KRT80: variants seen among roughly 807,000 people sequenced by gnomAD.
KRT80 encodes keratin, type II cytoskeletal 80.
KRT80 carries 36 observed loss-of-function variants against 51.5 expected under a neutral mutation model. The ratio of observed to expected loss-of-function variants is 0.70; its 90% CI spans 0.54 to 0.92. KRT80 has a LOEUF of 0.92. Among genes scored for constraint, KRT80 ranks in the 40% least tolerant of loss-of-function variants. The pLI, the probability that KRT80 is intolerant of heterozygous loss-of-function variation, is 0.00. For missense variants in KRT80, 566 were observed against 591.7 expected (o/e 0.96, Z 0.45); for synonymous variants, 235 against 248.3 (o/e 0.95, Z 0.50).
In KRT80 at chr12:52,186,135, C is replaced by T. The variant is rs148410477; in HGVS notation, c.301-548G>A. 1.1e-4 allele frequency among the ~76,000 whole-genome samples: 17 copies of T among 152,152 alleles called. No homozygotes were observed. In the East Asian group the frequency reaches 3.3e-3, roughly 29 times the overall value. ...ACCTGCCTGCGCGGTCCTCTCCTTCCCTCCACCCTGTCCAGCCGAGCTCAG... is the reference window on the plus strand; with the variant it reads ...ACCTGCCTGCGCGGTCCTCTCCTTCTCTCCACCCTGTCCAGCCGAGCTCAG... On this transcript the variant is annotated intron_variant, in intron 1 of 8. Coordinates refer to ENST00000394815, the MANE Select transcript of KRT80 (RefSeq NM_182507.3).
In KRT80 at chr12:52,181,043, G is replaced by A. The variant is rs989244162; in HGVS notation, c.510-80C>T. On this transcript the variant is annotated intron_variant, in intron 2 of 8. Coordinates refer to ENST00000394815, the MANE Select transcript of KRT80 (RefSeq NM_182507.3). ...GAACTCCCCTTGGTTGGGGCTCAGG[G>A]CCTGTGCTATCCCACTTGGGGTCTC... The A allele has an allele frequency of 5.5e-5, 62 of 1,135,844 alleles. No homozygotes were observed. In the African/African-American group the frequency reaches 6.6e-4, roughly 12 times the overall value. The allele number at this position is 1,135,844 out of a possible 1,614,324, so 70.4% of individuals were successfully genotyped here.
intron 6 of KRT80, 105 bp downstream of exon 6, chr12:52,172,933 A>G: frequency 7.3e-7 from 1 of 1,366,600 alleles, no homozygotes; most frequent in South Asian, 1.5e-5. Context: ...GCGCTAAGCG[A>G]CCCACACAGG....
intron 1 of KRT80, among the ~76,000 whole-genome samples, chr12:52,190,722 G>A (rs1158135789): frequency 1.3e-5 from 2 of 152,226 alleles, no homozygotes; most frequent in Non-Finnish European, 2.9e-5. Flanking sequence ...CTGGCACATA[G>A]TAAGCAATTA....
chr12:52,175,870 T>A (rs1260711259), intron 4 of KRT80, among the ~76,000 whole-genome samples: 2 of 152,158 alleles, frequency 1.3e-5, no homozygotes, highest in Non-Finnish European at 2.9e-5. Flanking sequence ...ACATTTCCCA[T>A]GTGGCACCAG....
rs1204016823 is a variant in KRT80 at position 52,172,333 on chromosome 12, A to C, written c.1043T>G (p.Leu348Arg). The C allele has an allele frequency of 3.1e-6, 5 of 1,614,152 alleles. No homozygotes were observed. Among genetic ancestry groups the C allele is most frequent in the African/African-American group, 1.3e-5 (1 of 75,056 alleles). Reference sequence around the variant, plus strand: ...CTTGGCCTGCTGCAGGGCGGCCTCCAGCTGGGCCAGCTTGGTCTTGGCATC... The same window carrying C: ...CTTGGCCTGCTGCAGGGCGGCCTCCCGCTGGGCCAGCTTGGTCTTGGCATC... ...FQDAKTKLAQ[L>R]EAALQQAKQD... The change falls in exon 7 of 9, where the codon CTG (leucine) becomes CGG (arginine). Residue 348 changes from leucine to arginine, a missense_variant. Transcript: ENST00000394815.
At chr12:52,183,466 G>A (rs1346525600) in intron 2 of KRT80, among the ~76,000 whole-genome samples, 1 of 152,226 alleles carries the variant, frequency 6.6e-6, no homozygotes, top group Non-Finnish European at 1.5e-5. Context: ...GGGGGCCCTA[G>A]GCTCTGCACA....
chr12:52,189,579 C>T (rs1941452032), intron 1 of KRT80, among the ~76,000 whole-genome samples: 1 of 152,220 alleles, frequency 6.6e-6, no homozygotes, highest in East Asian at 1.9e-4. Flanking sequence ...GATTTCACAT[C>T]TTAACCACTT....
chr12:52,173,499 A>T (rs558387532), intron 5 of KRT80, 101 bp downstream of exon 5: 2 of 985,206 alleles, frequency 2.0e-6, no homozygotes, highest in South Asian at 2.8e-5. Flanking sequence ...GACTTTCAGG[A>T]CAGAGAGCTG....
At chr12:52,176,839 G>C (rs1449591300) in intron 4 of KRT80, among the ~76,000 whole-genome samples, 2 of 152,160 alleles carry the variant, frequency 1.3e-5, no homozygotes, top group Admixed American at 6.5e-5. Context: ...CTAAGCCTTG[G>C]TTTTCTCATC....
At position 52,180,612 on chromosome 12, in the gene KRT80, G is replaced by C; in HGVS notation, c.571-4C>G. 6.6e-7 allele frequency: 1 copy of C among 1,513,638 alleles called. No homozygotes were observed. The highest frequency in any genetic ancestry group is 8.8e-7 in the Non-Finnish European group (1 of 1,132,206). 93.8% of individuals were successfully genotyped at this position (1,513,638 alleles called of 1,614,324 possible). A position where few individuals can be genotyped will look rare whatever the true frequency, so the allele number is the denominator to read the frequency against. On this transcript the variant is annotated splice_polypyrimidine_tract_variant and splice_region_variant and intron_variant, in intron 3 of 8. Transcript: ENST00000394815. Reference sequence around the variant, plus strand: ...GAAGACACTCTGCATCCAGGTCCTGGGGTTGGCAGCAGTGGTGAGTGGTGG... The same window carrying C: ...GAAGACACTCTGCATCCAGGTCCTGCGGTTGGCAGCAGTGGTGAGTGGTGG...
At chr12:52,191,331 G>T (rs1000783541) in intron 1 of KRT80, among the ~76,000 whole-genome samples, 23 of 152,192 alleles carry the variant, frequency 1.5e-4, no homozygotes, top group African/African-American at 5.6e-4. Context: ...CTGCCTGGGT[G>T]GTGGGTGACC....
At chr12:52,186,699 G>C (rs950424755) in intron 1 of KRT80, among the ~76,000 whole-genome samples, 1 of 152,210 alleles carries the variant, frequency 6.6e-6, no homozygotes, top group Admixed American at 6.5e-5. Context: ...CCCTTCATGG[G>C]CTGGCTTCTG....
At chr12:52,179,930 G>A (rs2120901722) in intron 4 of KRT80, among the ~76,000 whole-genome samples, 1 of 152,338 alleles carries the variant, frequency 6.6e-6, no homozygotes, top group Non-Finnish European at 1.5e-5. Context: ...TGGAGGAGTG[G>A]TGTCCAGAAG....
At chr12:52,185,310 C>G in intron 2 of KRT80, 69 bp downstream of exon 2, 1 of 1,442,988 alleles carries the variant, frequency 6.9e-7, no homozygotes, top group Non-Finnish European at 9.4e-7. Context: ...GCTTAAGTGC[C>G]TCCCATCTGA....
At chr12:52,175,540 G>C (rs1941203117) in intron 4 of KRT80, among the ~76,000 whole-genome samples, 1 of 152,054 alleles carries the variant, frequency 6.6e-6, no homozygotes, top group Non-Finnish European at 1.5e-5. Flanking sequence ...GTAGACGACA[G>C]GGATGAGGGG....
In KRT80 at chr12:52,191,959, T is replaced by G. The variant is rs532117916; in HGVS notation, c.-57A>C. On this transcript the variant is annotated 5_prime_UTR_variant, in exon 1 of 9. Transcript: ENST00000394815. Reference sequence around the variant, plus strand: ...GGGGGTGAGCGAGTGAGCCTGGGGTTGCGTCGGGTGGCAGGCTCTGGTTGC... The same window carrying G: ...GGGGGTGAGCGAGTGAGCCTGGGGTGGCGTCGGGTGGCAGGCTCTGGTTGC... The G allele has an allele frequency of 5.4e-4, 756 of 1,398,596 alleles. 2 individuals carry two copies. The highest frequency in any genetic ancestry group is 6.8e-4 in the Non-Finnish European group (722 of 1,066,332). 86.6% of individuals were successfully genotyped at this position (1,398,596 alleles called of 1,614,324 possible).
chr12:52,190,107 G>A (rs145917354), intron 1 of KRT80, among the ~76,000 whole-genome samples: 324 of 152,362 alleles, frequency 2.1e-3, no homozygotes, highest in African/African-American at 7.5e-3. Flanking sequence ...TAGGGCTGGG[G>A]GAAGGGATGC....
Position 52,175,959 on chromosome 12 carries a change from C to T in KRT80, c.667-2195G>A, listed in dbSNP as rs962655569. On this transcript the variant is annotated intron_variant, in intron 4 of 8. Transcript: ENST00000394815. ...GTTTTGGTTGACACATTGTGGGCAT[C>T]GGTGGGTGTGGGGGGCCTCAGAGCC... 5.3e-5 allele frequency among the ~76,000 whole-genome samples: 8 copies of T among 152,064 alleles called. No homozygotes were observed. The East Asian group carries it at 9.7e-4, about 18-fold the overall frequency.
At position 52,173,862 on chromosome 12, in the gene KRT80, G is replaced by A. The variant is rs56809568; in HGVS notation, c.667-98C>T. 2,412 of 1,227,516 alleles carry A rather than the reference G, an allele frequency of 2.0e-3. 37 individuals carry two copies. The African/African-American group carries it at 0.033, about 17-fold the overall frequency. 76.0% of individuals were successfully genotyped at this position (1,227,516 alleles called of 1,614,324 possible). A position where few individuals can be genotyped will look rare whatever the true frequency, so the allele number is the denominator to read the frequency against. The stretch of plus-strand genomic sequence containing the variant: ...TTTGTCCCCGGGGTGAGCGGAGAGT[G>A]GAGCTGCTCCCTTCCTGTCCCTCTG... On this transcript the variant is annotated intron_variant, in intron 4 of 8. Coordinates refer to ENST00000394815, the MANE Select transcript of KRT80 (RefSeq NM_182507.3).
Sources: gnomAD v4.1 joint callset for allele counts (sites outside exome capture counted in the v4.1 genomes callset) on GRCh38, gnomAD v4.1.1 for gene constraint, MANE v1.5 for transcripts, NCBI Gene and HGNC (gene_info 2026-07-23, HGNC 2026-07-21) for gene names.